Variants in DSG4 observed in about 807,000 individuals in gnomAD.
DSG4 encodes the protein desmoglein-4.
In DSG4, 87 loss-of-function variants were observed where a neutral mutation model predicts 93.1. The ratio of observed to expected loss-of-function variants is 0.93; its 90% confidence interval spans 0.79 to 1.12. DSG4 has a LOEUF of 1.12. DSG4 is among the 50% of genes most tolerant of loss of function. The pLI, the probability that DSG4 is intolerant of heterozygous loss-of-function variation, is 0.00. For synonymous variants in DSG4, 432 were observed against 452.9 expected (o/e 0.95, Z 0.59); for missense variants, 1,373 against 1,285.7 (o/e 1.07, Z -1.04).
In DSG4 at chr18:31,385,186, A is replaced by C; in HGVS notation, c.84+15A>C. On this transcript the variant is annotated intron_variant, in intron 2 of 15. Coordinates refer to ENST00000308128, the MANE Select transcript of DSG4 (RefSeq NM_177986.5). Reference sequence around the variant, plus strand: ...TTATTGTTGAGGTAATGTAAAATAAAATTATTTTCTCAATTTAAAATTAAA... The same window carrying C: ...TTATTGTTGAGGTAATGTAAAATAACATTATTTTCTCAATTTAAAATTAAA... 1 of 1,552,268 alleles carries C rather than the reference A, an allele frequency of 6.4e-7. No individual in the cohort carries two copies. The highest frequency in any genetic ancestry group is 8.8e-7 in the Non-Finnish European group (1 of 1,136,270).
chr18:31,382,151 C>A (rs967628253), intron 1 of DSG4, among the ~76,000 whole-genome samples: 1 of 152,096 alleles, frequency 6.6e-6, no homozygotes, highest in African/African-American at 2.4e-5. Context: ...TATGTTTGCT[C>A]CCTCAACAGC....
At chr18:31,396,849 A>G (rs532299149) in intron 8 of DSG4, among the ~76,000 whole-genome samples, 17 of 152,298 alleles carry the variant, frequency 1.1e-4, no homozygotes, top group African/African-American at 4.1e-4. Context: ...AAGAACTAGC[A>G]TGCCGAGACT....
At chr18:31,407,823 G>A (rs548220415) in intron 12 of DSG4, among the ~76,000 whole-genome samples, 1 of 152,096 alleles carries the variant, frequency 6.6e-6, no homozygotes, top group Non-Finnish European at 1.5e-5. Context: ...TTGAGTTAGC[G>A]GTTCTCAACC....
chr18:31,394,211 A>C (rs1051597204), intron 8 of DSG4, among the ~76,000 whole-genome samples: 1 of 152,214 alleles, frequency 6.6e-6, no homozygotes, highest in Admixed American at 6.5e-5. Context: ...AACATTTACT[A>C]TCTGGCCCTT....
intron 1 of DSG4, among the ~76,000 whole-genome samples, chr18:31,380,425 A>G (rs1259113063): frequency 6.6e-6 from 1 of 152,184 alleles, no homozygotes; most frequent in Non-Finnish European, 1.5e-5. Flanking sequence ...AAGTGGGAGC[A>G]CAGTTGGAAT....
intron 3 of DSG4, among the ~76,000 whole-genome samples, 159 bp from the exon 4 acceptor site, chr18:31,388,208 G>A (rs2072209047): frequency 6.6e-6 from 1 of 152,084 alleles, no homozygotes; most frequent in South Asian, 2.1e-4. Context: ...TCTGGGCAAA[G>A]TTAAGTAAAT....
At chr18:31,398,318 G>A (rs892920454) in intron 8 of DSG4, among the ~76,000 whole-genome samples, 8 of 152,134 alleles carry the variant, frequency 5.3e-5, no homozygotes, top group Admixed American at 1.3e-4. Context: ...GGCATGCTGA[G>A]CCATCTCCAA....
chr18:31,405,609 C>G (rs979349986), intron 11 of DSG4, among the ~76,000 whole-genome samples: 1 of 151,584 alleles, frequency 6.6e-6, no homozygotes, highest in Admixed American at 6.6e-5. Flanking sequence ...AAAGGCCAGG[C>G]AGAATGGCTC....
intron 7 of DSG4, among the ~76,000 whole-genome samples, chr18:31,391,867 A>G (rs1295223306): frequency 6.6e-6 from 1 of 152,150 alleles, no homozygotes; most frequent in African/African-American, 2.4e-5. Context: ...TCTAAAAGAA[A>G]AGAATAAATA....
At chr18:31,389,115 A>C in intron 5 of DSG4, 97 bp downstream of exon 5, 1 of 1,386,398 alleles carries the variant, frequency 7.2e-7, no homozygotes, top group South Asian at 1.2e-5. Context: ...TAAAGGACAG[A>C]AAAAGCCACA....
At chr18:31,391,056 G>C in intron 6 of DSG4, 22 bp from the exon 7 acceptor site, 1 of 1,613,122 alleles carries the variant, frequency 6.2e-7, no homozygotes, top group East Asian at 2.2e-5. Context: ...TAAGTCTTAC[G>C]TTCTTTTTCA....
intron 1 of DSG4, among the ~76,000 whole-genome samples, chr18:31,384,891 C>T (rs2072171375): frequency 6.6e-6 from 1 of 152,120 alleles, no homozygotes; most frequent in African/African-American, 2.4e-5. Context: ...CTTCTCTATC[C>T]TCCATTGAGC....
rs776678088 is a variant in DSG4 at position 31,400,989 on chromosome 18, GATAT to G, written c.1388_1391del (p.Ile463ThrfsTer8). 33 of 1,609,384 alleles carry G rather than the reference GATAT, an allele frequency of 2.1e-5. No homozygotes were observed. The highest frequency in any genetic ancestry group is 2.8e-5 in the Non-Finnish European group (33 of 1,177,310). On this transcript the variant is annotated frameshift_variant, in exon 10 of 16. Coordinates refer to ENST00000308128, the MANE Select transcript of DSG4 (RefSeq NM_177986.5). LOFTEE classifies it high-confidence loss of function. ...AGAAGTCAAAATATATTATCAATGG[GATAT>G]ACACAGCAGAGATCCTGGCTATAGA... is the stretch of plus-strand genomic sequence containing the variant.
intron 9 of DSG4, among the ~76,000 whole-genome samples, 197 bp downstream of exon 9, chr18:31,399,740 A>T (rs1416874217): frequency 2.6e-5 from 4 of 152,370 alleles, no homozygotes; most frequent in African/African-American, 9.6e-5. Context: ...AAGGGCTCCA[A>T]CTAGTTATAA....
At chr18:31,389,613 T>C (rs774097326) in intron 5 of DSG4, among the ~76,000 whole-genome samples, 5 of 152,092 alleles carry the variant, frequency 3.3e-5, no homozygotes, top group Non-Finnish European at 5.9e-5. Flanking sequence ...GCTTTTCTTA[T>C]ATGGCTACTT....
Position 31,412,926 on chromosome 18 carries a change from T to G in DSG4, c.2454T>G (p.Ile818Met). 1 of 1,614,222 alleles carries G rather than the reference T, an allele frequency of 6.2e-7. No individual in the cohort carries two copies. Among genetic ancestry groups the G allele is most frequent in the Middle Eastern group, 1.6e-4 (1 of 6,062 alleles). ...GAGTCGGGTCTCCCGTAGGCTCTAT[T>G]GGTTGTTGCAGTTGGATTGTGGATG... ...HEGVGSPVGSIGCCSWIVDDL... is the reference protein window; with the variant it reads ...HEGVGSPVGSMGCCSWIVDDL... Residue 818 changes from isoleucine to methionine, a missense_variant, in exon 16 of 16, where the codon ATT (isoleucine) becomes ATG (methionine). By Grantham distance (10) the Ile-to-Met change is conservative (BLOSUM62 1). Transcript: ENST00000308128.
At chr18:31,404,403 C>T (rs907561146) in intron 11 of DSG4, among the ~76,000 whole-genome samples, 1 of 152,120 alleles carries the variant, frequency 6.6e-6, no homozygotes, top group African/African-American at 2.4e-5. Flanking sequence ...ATCTACCTTG[C>T]GTTCTTTTTC....
rs539115116 is a variant in DSG4, at chr18:31,391,696, G to A, written c.820-459G>A. Among the ~76,000 whole-genome samples the A allele has an allele frequency of 6.8e-4, 103 of 151,714 alleles. 3 individuals carry two copies. The highest frequency in any genetic ancestry group is 1.3e-3 in the Admixed American group (20 of 15,242). On this transcript the variant is annotated intron_variant, in intron 7 of 15. Coordinates refer to ENST00000308128, the MANE Select transcript of DSG4 (RefSeq NM_177986.5). The stretch of plus-strand genomic sequence containing the variant: ...AAAACAAAAAAACAAAACAAAAAAC[G>A]TGTTATTGGAGAGCATAGCTGTCCT...
chr18:31,404,337 T>C (rs981551856), intron 11 of DSG4, among the ~76,000 whole-genome samples: 1 of 152,202 alleles, frequency 6.6e-6, no homozygotes, highest in Admixed American at 6.5e-5. Flanking sequence ...CTACATACAA[T>C]TGAATGGCTG....
Sources: allele counts gnomAD v4.1 joint callset (sites outside exome capture counted in the v4.1 genomes callset), GRCh38; gene constraint gnomAD v4.1.1; transcripts MANE v1.5; gene names NCBI Gene and HGNC (gene_info 2026-07-23, HGNC 2026-07-21).